CSMD1: variants seen among roughly 807,000 people sequenced by gnomAD.
The protein encoded by CSMD1 is CUB and sushi domain-containing protein 1.
Under a neutral mutation model 417.5 loss-of-function variants are expected in CSMD1, and 213 were observed. The observed-to-expected ratio is 0.51, with a 90% CI of 0.46 to 0.57. The LOEUF (loss-of-function observed/expected upper bound fraction) is 0.57, where lower values mean the gene tolerates loss of function less well. Among genes scored for constraint, CSMD1 ranks in the 20% least tolerant of loss-of-function variants. The pLI, the probability that CSMD1 is intolerant of heterozygous loss-of-function variation, is 0.00. For missense variants in CSMD1, 6,923 were observed against 4,529.7 expected (o/e 1.53, Z -15.17); for synonymous variants, 2,862 against 1,736.8 (o/e 1.65, Z -16.11).
intron 2 of CSMD1, among the ~76,000 whole-genome samples, chr8:4,634,798 C>T (rs961326641): frequency 6.6e-6 from 1 of 152,142 alleles, no homozygotes; most frequent in African/African-American, 2.4e-5. Flanking sequence ...AGAGAAAACA[C>T]CTCCTCATGT....
intron 17 of CSMD1, among the ~76,000 whole-genome samples, chr8:3,393,081 T>A (rs564811938): frequency 1.4e-4 from 21 of 152,274 alleles, no homozygotes; most frequent in African/African-American, 4.8e-4. Flanking sequence ...GACTGATACA[T>A]AAATAAGAAG....
At chr8:4,206,827 G>T (rs1055674919) in intron 3 of CSMD1, among the ~76,000 whole-genome samples, 1 of 152,144 alleles carries the variant, frequency 6.6e-6, no homozygotes, top group African/African-American at 2.4e-5. Flanking sequence ...ACTTTTGAGT[G>T]ATTATTTTGT....
intron 36 of CSMD1, among the ~76,000 whole-genome samples, chr8:3,182,504 T>C (rs951285157): frequency 2.0e-5 from 3 of 151,896 alleles, no homozygotes; most frequent in Non-Finnish European, 4.4e-5. Flanking sequence ...TGTGAGCCAC[T>C]GCACCCGGCC....
chr8:3,288,711 T>A lies in CSMD1; in HGVS notation c.3951-4365A>T, dbSNP rs533018348. Among the ~76,000 whole-genome samples the A allele has an allele frequency of 6.3e-4, 93 of 147,438 alleles. 2 individuals are homozygous for A. Among genetic ancestry groups the A allele is most frequent in the Admixed American group, 1.8e-3 (27 of 14,990 alleles). On this transcript the variant is annotated intron_variant, in intron 25 of 69. Coordinates refer to ENST00000635120, the MANE Select transcript of CSMD1 (RefSeq NM_033225.6). ...CTCTTTTCTTCTTTATTTTTCTTGATAGCAGTTTATCAATTTTGTTGATCT... is the reference window on the plus strand; with the variant it reads ...CTCTTTTCTTCTTTATTTTTCTTGAAAGCAGTTTATCAATTTTGTTGATCT...
chr8:4,355,007 A>T (rs1801331688), intron 3 of CSMD1, among the ~76,000 whole-genome samples: 1 of 151,902 alleles, frequency 6.6e-6, no homozygotes, highest in Non-Finnish European at 1.5e-5. Context: ...TCACGCCTGT[A>T]ATCCCAGCAC....
At chr8:4,104,756 T>C (rs149908570) in intron 3 of CSMD1, among the ~76,000 whole-genome samples, 2 of 152,164 alleles carry the variant, frequency 1.3e-5, no homozygotes, top group Non-Finnish European at 2.9e-5. Flanking sequence ...AAAAGCACAA[T>C]CCGGCTTTCC....
chr8:3,595,798 T>C (rs532237525), intron 8 of CSMD1, among the ~76,000 whole-genome samples: 55 of 152,300 alleles, frequency 3.6e-4, no homozygotes, highest in Non-Finnish European at 6.6e-4. Context: ...AGTAGAAAAA[T>C]TAAATCCTCA....
At chr8:3,796,025 ATAGATATAGATATATAT>A (rs1457910620) in intron 5 of CSMD1, among the ~76,000 whole-genome samples, 2 of 51,786 alleles carry the variant, frequency 3.9e-5, no homozygotes, top group African/African-American at 1.1e-4. Context: ...TATATCATGT[ATAGATATAGATATATAT>A]CTATCATAGA....
intron 49 of CSMD1, among the ~76,000 whole-genome samples, chr8:3,070,788 T>A (rs1813276586): frequency 6.6e-6 from 1 of 152,248 alleles, no homozygotes; most frequent in Admixed American, 6.5e-5. Flanking sequence ...GTTCCAAAGC[T>A]GCTTCAACAT....
rs138745519 is a variant in CSMD1, at chr8:3,227,655, A to T, written c.4345+2385T>A. ...TTGTGCCTTCTAAAAAGATTTAGTC[A>T]CTAAAAACGAGTAGAAAATACATAG... is the stretch of plus-strand genomic sequence containing the variant. On this transcript the variant is annotated intron_variant, in intron 27 of 69. Coordinates refer to ENST00000635120, the MANE Select transcript of CSMD1 (RefSeq NM_033225.6). Among the ~76,000 whole-genome samples, 30 of 152,344 alleles carry T rather than the reference A, an allele frequency of 2.0e-4. No homozygotes were observed. In the East Asian group the frequency reaches 5.8e-3, roughly 29 times the overall value.
chr8:3,805,198 C>A (rs556779191), intron 5 of CSMD1, among the ~76,000 whole-genome samples: 1 of 152,266 alleles, frequency 6.6e-6, no homozygotes, highest in East Asian at 1.9e-4. Context: ...TACAACATGA[C>A]AAGGGAAGGA....
At chr8:3,399,717 G>A (rs914714545) in intron 15 of CSMD1, among the ~76,000 whole-genome samples, 188 bp from the exon 16 acceptor site, 2 of 152,150 alleles carry the variant, frequency 1.3e-5, no homozygotes, top group African/African-American at 4.8e-5. Context: ...CTACCTCCAT[G>A]TACTTACCAT....
At chr8:4,774,548 A>G (rs999113903) in intron 1 of CSMD1, among the ~76,000 whole-genome samples, 5 of 152,228 alleles carry the variant, frequency 3.3e-5, no homozygotes, top group African/African-American at 1.2e-4. Flanking sequence ...AGGCAGACAT[A>G]TAGACATTCT....
chr8:3,995,800 G>T (rs1205456324), intron 5 of CSMD1, among the ~76,000 whole-genome samples: 1 of 152,162 alleles, frequency 6.6e-6, no homozygotes, highest in East Asian at 1.9e-4. Context: ...GCTAATCATG[G>T]CTATTTGAAG....
rs144110830 is a variant in CSMD1, at chr8:3,736,087, C to T, written c.931+17843G>A. Among the ~76,000 whole-genome samples, 253 of 152,244 alleles carry T rather than the reference C, an allele frequency of 1.7e-3. 2 individuals carry two copies. The highest frequency in any genetic ancestry group is 4.3e-3 in the African/African-American group (179 of 41,534). ...AAGGAGATTAATAATATAAATTCTA[C>T]GTTTCCAACACTGTTGTATGCAGTT... On this transcript the variant is annotated intron_variant, in intron 6 of 69. Coordinates refer to ENST00000635120, the MANE Select transcript of CSMD1 (RefSeq NM_033225.6).
At chr8:3,914,916 C>A (rs1403511971) in intron 5 of CSMD1, among the ~76,000 whole-genome samples, 1 of 152,182 alleles carries the variant, frequency 6.6e-6, no homozygotes, top group South Asian at 2.1e-4. Flanking sequence ...TCAATAATTA[C>A]TGATTGAACT....
intron 2 of CSMD1, among the ~76,000 whole-genome samples, chr8:4,431,285 A>T (rs998027368): frequency 1.6e-4 from 25 of 152,300 alleles, no homozygotes; most frequent in East Asian, 5.8e-4. Flanking sequence ...AATTTATTTT[A>T]TCATATCTCA....
intron 1 of CSMD1, among the ~76,000 whole-genome samples, chr8:4,696,561 A>C (rs1384102322): frequency 6.6e-6 from 1 of 152,244 alleles, no homozygotes; most frequent in Non-Finnish European, 1.5e-5. Flanking sequence ...GGGAGGCTAC[A>C]GAATGATATA....
At chr8:3,056,581 A>G (rs1042525150) in intron 49 of CSMD1, among the ~76,000 whole-genome samples, 1 of 151,866 alleles carries the variant, frequency 6.6e-6, no homozygotes, top group Non-Finnish European at 1.5e-5. Flanking sequence ...TGTTACCCAG[A>G]ATGGTCTTGA....
Sources: allele counts gnomAD v4.1 joint callset (sites outside exome capture counted in the v4.1 genomes callset), GRCh38; gene constraint gnomAD v4.1.1; transcripts MANE v1.5; gene names NCBI Gene and HGNC (gene_info 2026-07-23, HGNC 2026-07-21).